The following MYH10 variants were observed in gnomAD, a reference collection of about 807,000 sequenced individuals.
MYH10 encodes myosin-10.
MYH10 carries 55 observed loss-of-function variants against 257.8 expected under a neutral mutation model. The observed-to-expected ratio is 0.21, with a 90% CI of 0.17 to 0.27. The LOEUF (loss-of-function observed/expected upper bound fraction) is 0.27, where lower values mean the gene tolerates loss of function less well. Ranked by LOEUF, MYH10 falls within the 10% of genes least tolerant of loss-of-function variation. The pLI is 1.00. For missense variants in MYH10, 1,631 were observed against 2,500.6 expected, an observed-to-expected ratio of 0.65 and a Z score of 7.42; for synonymous variants, 854 against 921.7, an observed-to-expected ratio of 0.93 and a Z score of 1.33.
intron 14 of MYH10, among the ~76,000 whole-genome samples, chr17:8,536,209 C>T (rs1304932863): frequency 1.3e-5 from 2 of 151,974 alleles, no homozygotes; most frequent in African/African-American, 4.8e-5. Context: ...AAGCAGATGG[C>T]CCCACAAAAG....
At position 8,480,516 on chromosome 17, in the gene MYH10, C is replaced by T. The variant is rs1213733610; in HGVS notation, c.5274G>A (p.Leu1758=). The T allele has an allele frequency of 2.5e-6, 4 of 1,608,332 alleles. No homozygotes were observed. The highest frequency in any genetic ancestry group is 3.3e-5 in the Admixed American group (2 of 59,938). ...ITNSASGKSA[L]LDEKRRLEAR... The stretch of plus-strand genomic sequence containing the variant: ...CTTCCAGACGCCGCTTCTCATCCAG[C>T]AGCGCGGACCTGGCGGGGAGAGGAG... The change falls in exon 39 of 43, where the codon CTG becomes CTA. Residue 1758 remains leucine, a synonymous_variant. Coordinates refer to ENST00000360416, the MANE Select transcript of MYH10 (RefSeq NM_001256012.3).
At chr17:8,558,820 T>C (rs142594371) in intron 7 of MYH10, among the ~76,000 whole-genome samples, 98 of 152,372 alleles carry the variant, frequency 6.4e-4, no homozygotes, top group African/African-American at 2.2e-3. Flanking sequence ...TAAGCATCAA[T>C]TAGAATGGTC....
intron 24 of MYH10, 149 bp from the exon 25 acceptor site, chr17:8,510,098 G>A: frequency 1.3e-6 from 1 of 759,076 alleles, no homozygotes; most frequent in Middle Eastern, 4.1e-4. Flanking sequence ...AAGTGCAGTG[G>A]TGCCACCTCG....
intron 7 of MYH10, chr17:8,560,845 C>A: frequency 1.8e-6 from 1 of 570,024 alleles, no homozygotes. Flanking sequence ...GGATGGCAAG[C>A]ACAAGGTCTT....
intron 3 of MYH10, among the ~76,000 whole-genome samples, chr17:8,592,359 G>A (rs910368286): frequency 3.3e-5 from 5 of 152,016 alleles, no homozygotes; most frequent in Admixed American, 3.3e-4. Flanking sequence ...GAAACCAAAT[G>A]TTCCTTCTTT....
intron 4 of MYH10, among the ~76,000 whole-genome samples, chr17:8,584,784 C>T (rs1249672586): frequency 6.6e-6 from 1 of 152,146 alleles, no homozygotes; most frequent in African/African-American, 2.4e-5. Flanking sequence ...TATCAAACTA[C>T]TTAATACTGA....
chr17:8,602,179 C>T (rs190712093), intron 3 of MYH10, among the ~76,000 whole-genome samples: 3 of 152,238 alleles, frequency 2.0e-5, no homozygotes, highest in Admixed American at 1.3e-4. Flanking sequence ...GGGGTTTCAC[C>T]GTGTTAGCCA....
intron 2 of MYH10, among the ~76,000 whole-genome samples, chr17:8,615,443 T>G (rs2152095262): frequency 6.6e-6 from 1 of 152,332 alleles, no homozygotes; most frequent in Non-Finnish European, 1.5e-5. Flanking sequence ...CCAATTCATT[T>G]GATATAACCA....
chr17:8,560,286 TAC>T (rs1469070210), intron 7 of MYH10, among the ~76,000 whole-genome samples: 1 of 152,226 alleles, frequency 6.6e-6, no homozygotes, highest in African/African-American at 2.4e-5. Context: ...ATAACATTAA[TAC>T]ACAGATAACT....
At position 8,545,649 on chromosome 17, in the gene MYH10, A is replaced by C; in HGVS notation, c.1279-49T>G. Reference sequence around the variant, plus strand: ...TTTATTCTGGAAACAATCTCAACAAAGCATAAATAGCTGTTTTACGGAATT... The same window carrying C: ...TTTATTCTGGAAACAATCTCAACAACGCATAAATAGCTGTTTTACGGAATT... On this transcript the variant is annotated intron_variant, in intron 12 of 42. Transcript: ENST00000360416. The surrounding 1 kb of genome is among the most constrained non-coding windows in gnomAD (Gnocchi z 4.7). 4 of 1,574,078 alleles carry C rather than the reference A, an allele frequency of 2.5e-6. No homozygotes were observed. Among genetic ancestry groups the C allele is most frequent in the Non-Finnish European group, 2.6e-6 (3 of 1,159,702 alleles).
chr17:8,478,298 T>TG, intron 41 of MYH10, 40 bp downstream of exon 41: 1 of 1,551,594 alleles, frequency 6.4e-7, no homozygotes, highest in South Asian at 1.1e-5. Context: ...CACCAGTTCC[T>TG]TTGCTCACGC....
At position 8,545,569 on chromosome 17, in the gene MYH10, G is replaced by A. The variant is rs2082418149; in HGVS notation, c.1310C>T (p.Ala437Val). 2 of 1,613,640 alleles carry A rather than the reference G, an allele frequency of 1.2e-6. No homozygotes were observed. The highest frequency in any genetic ancestry group is 1.6e-4 in the Middle Eastern group (1 of 6,062). ...ADFAVEALAK[A>V]TYERLFRWLV... ...CCAGCGAAAGAGCCGCTCATAGGTA[G>A]CTTTTGCCAATGCTTCTACTGCAAA... Residue 437 changes from alanine (A) to valine (V), a missense_variant, in exon 13 of 43, where the codon GCT (alanine) becomes GTT (valine). Ala to Val is a moderately conservative substitution (Grantham distance 64). Coordinates refer to ENST00000360416, the MANE Select transcript of MYH10 (RefSeq NM_001256012.3). This position sits in a 1 kb window ranked among gnomAD's most constrained non-coding sequence, Gnocchi z 4.7.
rs751443225 is a variant in MYH10 at position 8,495,274 on chromosome 17, T to C, written c.3952-33A>G. The C allele has an allele frequency of 6.4e-5, 87 of 1,352,018 alleles. 1 individual carries two copies. Among genetic ancestry groups the C allele is most frequent in the Admixed American group, 5.0e-5 (3 of 59,522 alleles). 83.8% of individuals were successfully genotyped at this position (1,352,018 alleles called of 1,614,324 possible). On this transcript the variant is annotated intron_variant, in intron 30 of 42. Coordinates refer to ENST00000360416, the MANE Select transcript of MYH10 (RefSeq NM_001256012.3). The stretch of plus-strand genomic sequence containing the variant: ...GAGCAGAAGATTAAATTCAACTCAA[T>C]AGTAAGCAAGCAGAAAGGGTCTAGA...
chr17:8,577,239 A>C lies in MYH10; in HGVS notation c.630T>G (p.Ile210Met). ...AAACAACAGAGCAGAAACTTACAGG[A>C]ATATTATGGTCCTTTCTTCCTTTAT... ...SSHKGRKDHNIPQESPKPVKH... is the reference protein window; with the variant it reads ...SSHKGRKDHNMPQESPKPVKH... Residue 210 changes from isoleucine to methionine, a missense_variant, in exon 5 of 43, where the codon ATT becomes ATG. By Grantham distance (10) the Ile-to-Met change is conservative. Transcript: ENST00000360416. 1 of 1,602,146 alleles carries C rather than the reference A, an allele frequency of 6.2e-7. No homozygotes were observed. Among genetic ancestry groups the C allele is most frequent in the Non-Finnish European group, 8.5e-7 (1 of 1,171,474 alleles).
chr17:8,539,654 A>G (rs1410281209), intron 14 of MYH10, among the ~76,000 whole-genome samples: 1 of 151,964 alleles, frequency 6.6e-6, no homozygotes, highest in Non-Finnish European at 1.5e-5. Flanking sequence ...CAGTGGTGTG[A>G]CCGTATCACT....
chr17:8,553,812 A>G (rs2082712250), intron 8 of MYH10, 143 bp downstream of exon 8: 1 of 641,800 alleles, frequency 1.6e-6, no homozygotes, highest in African/African-American at 1.8e-5. Flanking sequence ...CACTAGTCGA[A>G]AGTATTTGAA....
chr17:8,562,599 C>T (rs969589157), intron 7 of MYH10, among the ~76,000 whole-genome samples: 1 of 152,136 alleles, frequency 6.6e-6, no homozygotes, highest in Non-Finnish European at 1.5e-5. Context: ...AATATTCAAT[C>T]GGAACTTCAC....
intron 6 of MYH10, 60 bp downstream of exon 6, chr17:8,576,583 T>G (rs780712247): frequency 1.3e-6 from 2 of 1,481,968 alleles, no homozygotes; most frequent in Non-Finnish European, 1.8e-6. Flanking sequence ...AGAGACTCAA[T>G]CTACAGACAG....
At position 8,503,548 on chromosome 17, in the gene MYH10, C is replaced by A. The variant is rs139496865; in HGVS notation, c.3599+1146G>T. On this transcript the variant is annotated intron_variant, in intron 28 of 42. Transcript: ENST00000360416. ...CAGTCTCACTGCTCTATCGAGCCGG[C>A]CTGCCCTGTGGACACCATGATGTCA... Among the ~76,000 whole-genome samples, 1,249 of 152,270 alleles carry A rather than the reference C, an allele frequency of 8.2e-3. 21 individuals are homozygous for A. The highest frequency in any genetic ancestry group is 0.027 in the African/African-American group (1,140 of 41,556).
Sources: allele counts gnomAD v4.1 joint callset (sites outside exome capture counted in the v4.1 genomes callset), GRCh38; gene constraint gnomAD v4.1.1; non-coding constraint Gnocchi (gnomAD v3.1); transcripts MANE v1.5; gene names NCBI Gene and HGNC (gene_info 2026-07-23, HGNC 2026-07-21).